PTCHD4: variants seen among roughly 807,000 people sequenced by gnomAD.
PTCHD4 encodes the protein patched domain containing 4.
Under a neutral mutation model 58.1 loss-of-function variants are expected in PTCHD4, and 33 were observed. That is an observed-to-expected ratio of 0.57 (90% CI 0.43 to 0.76). PTCHD4 has a LOEUF of 0.76. PTCHD4 is among the 30% of genes least tolerant of loss of function. PTCHD4 has a pLI of 0.00. For missense variants in PTCHD4, 1,058 were observed against 1,027.1 expected (o/e 1.03, Z -0.41); for synonymous variants, 478 against 409.6 (o/e 1.17, Z -2.02).
At chr6:48,014,166 G>T (rs1009612977) in intron 3 of PTCHD4, among the ~76,000 whole-genome samples, 4 of 151,994 alleles carry the variant, frequency 2.6e-5, no homozygotes, top group Non-Finnish European at 5.9e-5. Flanking sequence ...TAAGGTTTTT[G>T]GATGTTCTGG....
chr6:48,014,581 A>G (rs17660007), intron 3 of PTCHD4, among the ~76,000 whole-genome samples: 16,936 of 152,198 alleles, frequency 0.11, 1,173 homozygotes, highest in Non-Finnish European at 0.16. Context: ...TAAAATGAGC[A>G]ACTATGAGTA....
At chr6:47,961,766 G>C (rs190092028) in intron 4 of PTCHD4, among the ~76,000 whole-genome samples, 1 of 152,048 alleles carries the variant, frequency 6.6e-6, no homozygotes, top group Admixed American at 6.6e-5. Context: ...GCCACTAAAA[G>C]AATACTTAGG....
chr6:47,982,247 T>A (rs1767905573), intron 4 of PTCHD4, among the ~76,000 whole-genome samples: 1 of 152,166 alleles, frequency 6.6e-6, no homozygotes, highest in African/African-American at 2.4e-5. Context: ...CATAGCAGCA[T>A]GTTTAATTAG....
chr6:48,089,982 A>AAATGTTC (rs1765333223), intron 1 of PTCHD4, among the ~76,000 whole-genome samples: 1 of 152,154 alleles, frequency 6.6e-6, no homozygotes, highest in South Asian at 2.1e-4. Context: ...TTTTATTTTT[A>AAATGTTC]AATGTTCATC....
intron 3 of PTCHD4, among the ~76,000 whole-genome samples, chr6:48,065,445 A>T (rs561391306): frequency 7.9e-5 from 12 of 152,294 alleles, no homozygotes; most frequent in Non-Finnish European, 1.3e-4. Context: ...TTTTCCTCAA[A>T]TCTTGTACAC....
At chr6:47,880,784 C>T (rs1279323070) in intron 4 of PTCHD4, among the ~76,000 whole-genome samples, 2 of 152,144 alleles carry the variant, frequency 1.3e-5, no homozygotes, top group Non-Finnish European at 2.9e-5. Flanking sequence ...CAGTGTATGC[C>T]AGACTCTGGT....
At chr6:48,017,735 C>T (rs1762915401) in intron 3 of PTCHD4, among the ~76,000 whole-genome samples, 1 of 152,218 alleles carries the variant, frequency 6.6e-6, no homozygotes, top group African/African-American at 2.4e-5. Context: ...AAATGTTATA[C>T]TGCTACTAAG....
chr6:48,030,812 A>G (rs967157507), intron 3 of PTCHD4, among the ~76,000 whole-genome samples: 2 of 152,156 alleles, frequency 1.3e-5, no homozygotes, highest in Admixed American at 1.3e-4. Flanking sequence ...CTGAACTCAG[A>G]AACTGGGTTT....
chr6:48,079,049 C>T (rs141448333), intron 1 of PTCHD4, among the ~76,000 whole-genome samples: 3 of 144,404 alleles, frequency 2.1e-5, no homozygotes, highest in African/African-American at 5.2e-5. Flanking sequence ...ACCCGGGAGG[C>T]GGAGCTTGCA....
At chr6:47,891,683 C>T (rs1168983020) in intron 4 of PTCHD4, among the ~76,000 whole-genome samples, 1 of 152,160 alleles carries the variant, frequency 6.6e-6, no homozygotes, top group East Asian at 1.9e-4. Context: ...TCCAAATCAT[C>T]TAACATTTGC....
rs553262529 is a variant in PTCHD4 at position 47,864,702 on chromosome 6, G to T, written c.*13601C>A. Among the ~76,000 whole-genome samples the T allele has an allele frequency of 6.6e-6, 1 of 151,840 alleles. No individual in the cohort carries two copies. The highest frequency in any genetic ancestry group is 2.4e-5 in the African/African-American group (1 of 41,382). The stretch of plus-strand genomic sequence containing the variant: ...TTCTATGACTGTAGAAGAATACAAA[G>T]AGTTCATATGGATTATTTTCACAGG... On this transcript the variant is annotated 3_prime_UTR_variant, in exon 5 of 5. Coordinates refer to ENST00000339488, the MANE Select transcript of PTCHD4 (RefSeq NM_001384253.1).
At chr6:48,103,690 T>C (rs960233250) in intron 1 of PTCHD4, among the ~76,000 whole-genome samples, 1 of 147,804 alleles carries the variant, frequency 6.8e-6, no homozygotes, top group Admixed American at 6.8e-5. Flanking sequence ...GCAAAGAAGT[T>C]AAAAACTTTG....
At chr6:47,982,267 T>C (rs1175710175) in intron 4 of PTCHD4, among the ~76,000 whole-genome samples, 1 of 152,132 alleles carries the variant, frequency 6.6e-6, no homozygotes, top group African/African-American at 2.4e-5. Context: ...GAAGCATTGT[T>C]TACCTGTTAG....
intron 3 of PTCHD4, among the ~76,000 whole-genome samples, chr6:48,059,313 G>C (rs1764532294): frequency 6.6e-6 from 1 of 152,144 alleles, no homozygotes; most frequent in Non-Finnish European, 1.5e-5. Flanking sequence ...AATACTGTAA[G>C]GTAAGGGCTA....
rs555326261 is a variant in PTCHD4 at position 48,008,965 on chromosome 6, C to T, written c.567G>A (p.Glu189=). The change falls in exon 4 of 5, where the codon GAG becomes GAA. Residue 189 remains glutamate (E), a synonymous_variant. Transcript: ENST00000339488. ...GCTTACAGAACTCATTCTCCCACTT[C>T]TCCCCTATGAGGTCTTGGGTGGCAG... is the stretch of plus-strand genomic sequence containing the variant. ...YGSATQDLIG[E]KWENEFCKLI... is the part of the protein sequence containing the mutation. 2.2e-4 allele frequency: 361 copies of T among 1,614,010 alleles called. 5 individuals carry two copies. The South Asian group carries it at 3.8e-3, about 17-fold the overall frequency.
chr6:47,901,542 C>G (rs1764704133), intron 4 of PTCHD4: 1 of 1,001,040 alleles, frequency 1.0e-6, no homozygotes, highest in Admixed American at 5.5e-5. Flanking sequence ...TTATTTTCAT[C>G]ACTAAACAGT....
intron 4 of PTCHD4, among the ~76,000 whole-genome samples, chr6:47,920,208 AT>A (rs1383909803): frequency 6.6e-6 from 1 of 152,184 alleles, no homozygotes; most frequent in African/African-American, 2.4e-5. Context: ...CACAGGACAT[AT>A]GTGAAGAGAT....
chr6:48,102,341 T>C (rs1462669169), intron 1 of PTCHD4, among the ~76,000 whole-genome samples: 1 of 152,256 alleles, frequency 6.6e-6, no homozygotes, highest in African/African-American at 2.4e-5. Context: ...AAATATCTGA[T>C]TGAAAATTAT....
intron 1 of PTCHD4, among the ~76,000 whole-genome samples, chr6:48,084,956 C>A (rs913055736): frequency 2.0e-5 from 3 of 151,852 alleles, no homozygotes; most frequent in Middle Eastern, 3.4e-3. Context: ...GTTGCCCAGG[C>A]TGGTCACAAA....
Sources: gnomAD v4.1 joint callset for allele counts (sites outside exome capture counted in the v4.1 genomes callset) on GRCh38, gnomAD v4.1.1 for gene constraint, MANE v1.5 for transcripts, NCBI Gene and HGNC (gene_info 2026-07-23, HGNC 2026-07-21) for gene names.